Variants in STX17 observed in about 807,000 individuals in gnomAD.
The protein encoded by STX17 is syntaxin 17.
Under a neutral mutation model 35.9 loss-of-function variants are expected in STX17, and 29 were observed. The ratio of observed to expected loss-of-function variants is 0.81; its 90% confidence interval spans 0.60 to 1.10. The LOEUF is 1.10. STX17 is among the 50% of genes least tolerant of loss of function. The pLI, the probability that STX17 is intolerant of heterozygous loss-of-function variation, is 0.00. For synonymous variants in STX17, 92 were observed against 118.3 expected, an observed-to-expected ratio of 0.78 and a Z score of 1.44; for missense variants, 312 against 352.3, an observed-to-expected ratio of 0.89 and a Z score of 0.92.
chr9:99,949,101 T>C (rs1829542164), intron 3 of STX17, among the ~76,000 whole-genome samples: 1 of 152,102 alleles, frequency 6.6e-6, no homozygotes, highest in Non-Finnish European at 1.5e-5. Flanking sequence ...TTGTCTAGAC[T>C]CCAGTTTCCT....
intron 1 of STX17, among the ~76,000 whole-genome samples, chr9:99,909,970 C>T (rs945209266): frequency 1.3e-5 from 2 of 152,118 alleles, no homozygotes; most frequent in African/African-American, 2.4e-5. Context: ...TGGTGCCTCA[C>T]ACTTGTAATC....
chr9:99,960,280 T>C lies in STX17; in HGVS notation c.582+125T>C, dbSNP rs80142102. On this transcript the variant is annotated intron_variant, in intron 6 of 7. Transcript: ENST00000259400. ...AATTTTTAAGACTGGTATTAAGCCA[T>C]AGATAGAAGTTTAACTGTTCTCAAA... The C allele has an allele frequency of 2.6e-4, 255 of 965,900 alleles. 3 individuals are homozygous for C. The East Asian group carries it at 6.5e-3, about 25-fold the overall frequency. 59.8% of individuals were successfully genotyped at this position (965,900 alleles called of 1,614,324 possible).
chr9:99,967,677 A>G lies in STX17; in HGVS notation c.607A>G (p.Ile203Val). The part of the protein sequence containing the change: ...VNSQQEKIDS[I>V]ADHVNSAAVN... ...GTCTCAGCAGGAGAAGATTGACAGC[A>G]TTGCAGACCATGTCAACAGTGCTGC... The change falls in exon 7 of 8, where the codon ATT becomes GTT. Residue 203 changes from isoleucine (I) to valine (V), a missense_variant. Coordinates refer to ENST00000259400, the MANE Select transcript of STX17 (RefSeq NM_017919.3). The G allele has an allele frequency of 6.2e-7, 1 of 1,613,886 alleles. No individual in the cohort carries two copies. Among genetic ancestry groups the G allele is most frequent in the Non-Finnish European group, 8.5e-7 (1 of 1,179,886 alleles).
At chr9:99,927,160 T>A (rs1829001844) in intron 2 of STX17, among the ~76,000 whole-genome samples, 1 of 152,220 alleles carries the variant, frequency 6.6e-6, no homozygotes, top group Non-Finnish European at 1.5e-5. Context: ...TGGTATTCTC[T>A]GATCCATGAA....
chr9:99,911,240 GT>G (rs1828657152), intron 1 of STX17, among the ~76,000 whole-genome samples: 1 of 152,062 alleles, frequency 6.6e-6, no homozygotes, highest in East Asian at 1.9e-4. Flanking sequence ...GTTTCACCAT[GT>G]TAGCCAGGAT....
intron 2 of STX17, among the ~76,000 whole-genome samples, chr9:99,926,906 GT>G (rs1213610907): frequency 6.6e-6 from 1 of 152,200 alleles, no homozygotes; most frequent in Non-Finnish European, 1.5e-5. Flanking sequence ...CTGATACTCA[GT>G]GTATTCCAAG....
chr9:99,955,177 G>C (rs1268786206), intron 4 of STX17, among the ~76,000 whole-genome samples: 1 of 151,974 alleles, frequency 6.6e-6, no homozygotes, highest in Non-Finnish European at 1.5e-5. Context: ...AACACAAAAG[G>C]AACAGAATCT....
intron 3 of STX17, among the ~76,000 whole-genome samples, chr9:99,940,317 G>A (rs1020736475): frequency 2.6e-5 from 4 of 151,586 alleles, no homozygotes; most frequent in African/African-American, 9.7e-5. Flanking sequence ...TTTTAATAAA[G>A]ATGGGGTTTT....
At chr9:99,931,970 A>T (rs1268131007) in intron 3 of STX17, among the ~76,000 whole-genome samples, 2 of 152,182 alleles carry the variant, frequency 1.3e-5, no homozygotes, top group Non-Finnish European at 2.9e-5. Context: ...ATGCTTGGGC[A>T]AGCTGGCGTT....
rs561530326 is a variant in STX17, at chr9:99,934,139, T to C, written c.189+5296T>C. Among the ~76,000 whole-genome samples the C allele has an allele frequency of 7.9e-5, 12 of 152,296 alleles. No homozygotes were observed. In the East Asian group the frequency reaches 2.3e-3, roughly 29 times the overall value. ...TGGATAAGGGGGTATTATCCTCATTTTTCAGATACCAGAAAGCTGAAGAGA... is the reference window on the plus strand; with the variant it reads ...TGGATAAGGGGGTATTATCCTCATTCTTCAGATACCAGAAAGCTGAAGAGA... On this transcript the variant is annotated intron_variant, in intron 3 of 7. Transcript: ENST00000259400.
At chr9:99,963,490 A>G (rs561299874) in intron 6 of STX17, among the ~76,000 whole-genome samples, 31 of 152,280 alleles carry the variant, frequency 2.0e-4, no homozygotes, top group African/African-American at 7.0e-4. Context: ...TTTATTACCT[A>G]TGTGACCTTC....
At chr9:99,909,671 T>C (rs1773763216) in intron 1 of STX17, among the ~76,000 whole-genome samples, 1 of 151,948 alleles carries the variant, frequency 6.6e-6, no homozygotes, top group South Asian at 2.1e-4. Context: ...ATGCAATGAG[T>C]ACAAAAAAAT....
Position 99,959,931 on chromosome 9 carries a change from A to T in STX17, c.430A>T (p.Thr144Ser), listed in dbSNP as rs1284391322. The T allele has an allele frequency of 1.2e-6, 2 of 1,611,276 alleles. No homozygotes were observed. Among genetic ancestry groups the T allele is most frequent in the East Asian group, 4.5e-5 (2 of 44,828 alleles). The change falls in exon 5 of 8, where the codon ACT (threonine) becomes TCT (serine). Residue 144 changes from threonine (T) to serine (S), a missense_variant. By Grantham distance (58) the Thr-to-Ser change is moderately conservative (BLOSUM62 1). Coordinates refer to ENST00000259400, the MANE Select transcript of STX17 (RefSeq NM_017919.3). ...TGTTCATCCAGGAGCATTTCATACT[A>T]CTGAAGCTGAAGCTAGTTCTCAGAG... is the stretch of plus-strand genomic sequence containing the variant. Reference protein sequence around the residue: ...SMTVGGAFHTTEAEASSQSLT... With the variant: ...SMTVGGAFHTSEAEASSQSLT...
rs1277257370 is a variant in STX17, at chr9:99,915,173, T to C, written c.-62-5T>C. 1.4e-6 allele frequency: 2 copies of C among 1,472,180 alleles called. No homozygotes were observed. The highest frequency in any genetic ancestry group is 1.8e-6 in the Non-Finnish European group (2 of 1,107,978). The allele number at this position is 1,472,180 out of a possible 1,614,324, so 91.2% of individuals were successfully genotyped here. A position where few individuals can be genotyped will look rare whatever the true frequency, so the allele number is the denominator to read the frequency against. On this transcript the variant is annotated splice_region_variant and splice_polypyrimidine_tract_variant and intron_variant, in intron 1 of 7. Transcript: ENST00000259400. ...AACATTCTTAAAGAAATATTTTTCT[T>C]TTAGGTTTTTCTATATGAGTGGAGA...
chr9:99,956,999 C>T (rs1260247150), intron 4 of STX17, among the ~76,000 whole-genome samples: 3 of 152,212 alleles, frequency 2.0e-5, no homozygotes, highest in Admixed American at 1.3e-4. Flanking sequence ...AACCCTTCAA[C>T]AGCTCTCTTT....
intron 1 of STX17, among the ~76,000 whole-genome samples, chr9:99,911,413 C>T (rs112439905): frequency 0.13 from 19,907 of 152,112 alleles, 1,754 homozygotes; most frequent in Middle Eastern, 0.2. Context: ...CATTGACAGA[C>T]ACTTAGGTTG....
chr9:99,920,295 C>T (rs761368219), intron 2 of STX17, among the ~76,000 whole-genome samples: 2 of 152,088 alleles, frequency 1.3e-5, no homozygotes, highest in Non-Finnish European at 2.9e-5. Context: ...TACAGATATG[C>T]GTGGAAGGAA....
In STX17 at chr9:99,921,316, A is replaced by G. The variant is rs984330792; in HGVS notation, c.123+5954A>G. Among the ~76,000 whole-genome samples, 7 of 152,172 alleles carry G rather than the reference A, an allele frequency of 4.6e-5. No homozygotes were observed. In the East Asian group the frequency reaches 7.7e-4, roughly 17 times the overall value. On this transcript the variant is annotated intron_variant, in intron 2 of 7. Transcript: ENST00000259400. Reference sequence around the variant, plus strand: ...CTTTGTAATCAATTAAATGAATTCCATAAGACTTTTTTTTATATGAATTAC... The same window carrying G: ...CTTTGTAATCAATTAAATGAATTCCGTAAGACTTTTTTTTATATGAATTAC...
intron 6 of STX17, among the ~76,000 whole-genome samples, chr9:99,962,780 A>C (rs1404518760): frequency 2.0e-5 from 3 of 152,208 alleles, no homozygotes; most frequent in Non-Finnish European, 4.4e-5. Context: ...ACAGAATGCT[A>C]ATAAGCAAAA....
Sources: gnomAD v4.1 joint callset for allele counts (sites outside exome capture counted in the v4.1 genomes callset) on GRCh38, gnomAD v4.1.1 for gene constraint, MANE v1.5 for transcripts, NCBI Gene and HGNC (gene_info 2026-07-23, HGNC 2026-07-21) for gene names.